Variants in ANKRD44 observed in about 807,000 individuals in gnomAD.
The protein encoded by ANKRD44 is serine/threonine-protein phosphatase 6 regulatory ankyrin repeat subunit B.
In ANKRD44, 35 loss-of-function variants were observed where a neutral mutation model predicts 116.0. The ratio of observed to expected loss-of-function variants is 0.30; its 90% CI spans 0.23 to 0.40. ANKRD44 has a LOEUF of 0.40. Ranked by LOEUF, ANKRD44 falls within the 10% of genes least tolerant of loss-of-function variation. The pLI is 1.00. For synonymous variants in ANKRD44, 435 were observed against 461.8 expected, an observed-to-expected ratio of 0.94 and a Z score of 0.74; for missense variants, 1,014 against 1,242.6, an observed-to-expected ratio of 0.82 and a Z score of 2.77.
chr2:197,113,523 C>T (rs73988097), intron 8 of ANKRD44, among the ~76,000 whole-genome samples: 1,544 of 152,210 alleles, frequency 0.01, 31 homozygotes, highest in African/African-American at 0.034. Context: ...AATATCTTCA[C>T]AATATTCAGC....
chr2:196,981,249 G>C (rs2075799437), intron 21 of ANKRD44, among the ~76,000 whole-genome samples: 1 of 152,090 alleles, frequency 6.6e-6, no homozygotes, highest in Admixed American at 6.6e-5. Context: ...TAGAATCCAT[G>C]ATCTACATAA....
chr2:197,124,939 T>C (rs1214373094), intron 6 of ANKRD44, among the ~76,000 whole-genome samples: 1 of 150,898 alleles, frequency 6.6e-6, no homozygotes, highest in East Asian at 2.0e-4. Context: ...CCTCCATCTA[T>C]AAAATAGCCA....
At chr2:197,007,257 C>T (rs1229023394) in intron 20 of ANKRD44, among the ~76,000 whole-genome samples, 1 of 151,784 alleles carries the variant, frequency 6.6e-6, no homozygotes, top group Non-Finnish European at 1.5e-5. Flanking sequence ...CACAATGAGG[C>T]ATTAAAAATC....
chr2:196,998,375 T>C lies in ANKRD44; in HGVS notation c.2710A>G (p.Lys904Glu). ...AAATGTAAGGGTGTATTCAAGTCCT[T>C]ATCCTTTACAGTCAGATCAGCCTGG... Reference protein sequence around the residue: ...SAQADLTVKDKDLNTPLHLAC... With the variant: ...SAQADLTVKDEDLNTPLHLAC... The change falls in exon 25 of 28, where the codon AAG (lysine) becomes GAG (glutamate). Residue 904 changes from lysine to glutamate, a missense_variant. Lys to Glu is a moderately conservative substitution (Grantham distance 56, BLOSUM62 1). Coordinates refer to ENST00000282272, the MANE Select transcript of ANKRD44 (RefSeq NM_001195144.2). 1 of 1,613,978 alleles carries C rather than the reference T, an allele frequency of 6.2e-7. No homozygotes were observed. Among genetic ancestry groups the C allele is most frequent in the Non-Finnish European group, 8.5e-7 (1 of 1,179,932 alleles).
chr2:197,285,480 T>C (rs2083382195), intron 1 of ANKRD44, among the ~76,000 whole-genome samples: 1 of 152,142 alleles, frequency 6.6e-6, no homozygotes, highest in African/African-American at 2.4e-5. Context: ...AATATTCTAG[T>C]TGACGCTGAA....
chr2:197,161,244 T>C (rs1320793075), intron 2 of ANKRD44, among the ~76,000 whole-genome samples: 1 of 152,162 alleles, frequency 6.6e-6, no homozygotes, highest in East Asian at 1.9e-4. Flanking sequence ...ATAAGGCATA[T>C]GGGAGATGCA....
rs193131859 is a variant in ANKRD44, at chr2:197,145,248, G to C, written c.190+1779C>G. Among the ~76,000 whole-genome samples, 1,066 of 152,068 alleles carry C rather than the reference G, an allele frequency of 7.0e-3. 15 individuals are homozygous for C. The highest frequency in any genetic ancestry group is 0.024 in the African/African-American group (1,011 of 41,478). On this transcript the variant is annotated intron_variant, in intron 3 of 27. Transcript: ENST00000282272. ...AGAGGTTGCAGTGAGCTGAGATCAC[G>C]CCACTGCACTCCAGCCTGGGCTACA... is the stretch of plus-strand genomic sequence containing the variant.
chr2:197,029,878 G>A (rs528421196), intron 16 of ANKRD44: 2 of 237,248 alleles, frequency 8.4e-6, no homozygotes, highest in African/African-American at 4.7e-5. Context: ...ATGACCTTTA[G>A]ACATGACCAG....
At chr2:197,129,512 C>A (rs558708088) in intron 4 of ANKRD44, among the ~76,000 whole-genome samples, 2 of 152,254 alleles carry the variant, frequency 1.3e-5, no homozygotes, top group East Asian at 3.9e-4. Context: ...GCCCAGTTAA[C>A]GTTCTGTTTT....
At chr2:197,132,014 G>A (rs2079108771) in intron 4 of ANKRD44, among the ~76,000 whole-genome samples, 1 of 152,162 alleles carries the variant, frequency 6.6e-6, no homozygotes, top group Non-Finnish European at 1.5e-5. Flanking sequence ...CCCAATTCTT[G>A]CTTATCTATG....
At chr2:196,974,058 T>C (rs971940234) in intron 21 of ANKRD44, among the ~76,000 whole-genome samples, 13 of 152,116 alleles carry the variant, frequency 8.5e-5, no homozygotes, top group African/African-American at 2.2e-4. Flanking sequence ...TTCACAAATA[T>C]GTGGAAATTA....
chr2:197,208,013 C>T (rs1400579313), intron 1 of ANKRD44, among the ~76,000 whole-genome samples: 1 of 152,140 alleles, frequency 6.6e-6, no homozygotes, highest in Non-Finnish European at 1.5e-5. Context: ...TATTATTGGG[C>T]TGTTGGTTTT....
chr2:197,139,891 TGTGTGTGA>T (rs2079317255), intron 3 of ANKRD44, among the ~76,000 whole-genome samples: 1 of 139,218 alleles, frequency 7.2e-6, no homozygotes, highest in East Asian at 2.0e-4. Context: ...TGTGTGTGTG[TGTGTGTGA>T]AACGGAGTCT....
intron 3 of ANKRD44, 60 bp from the exon 4 acceptor site, chr2:197,136,722 TAAATC>T (rs2079226870): frequency 7.2e-7 from 1 of 1,397,070 alleles, no homozygotes; most frequent in Non-Finnish European, 1.0e-6. Flanking sequence ...CTGCCGACGT[TAAATC>T]AAATGCTGTA....
intron 1 of ANKRD44, among the ~76,000 whole-genome samples, chr2:197,221,041 G>C (rs896728242): frequency 6.6e-6 from 1 of 152,174 alleles, no homozygotes; most frequent in Non-Finnish European, 1.5e-5. Flanking sequence ...CCTGAGGTCA[G>C]GAGTTCGAGG....
chr2:197,223,065 G>A (rs377342053), intron 1 of ANKRD44, among the ~76,000 whole-genome samples: 20 of 152,066 alleles, frequency 1.3e-4, no homozygotes, highest in African/African-American at 4.8e-4. Flanking sequence ...TACCCACCTC[G>A]GCCTCCCAAA....
In ANKRD44 at chr2:196,968,071, C is replaced by T. The variant is rs185802492; in HGVS notation, c.2369-625G>A. Among the ~76,000 whole-genome samples the T allele has an allele frequency of 2.6e-5, 4 of 152,286 alleles. No individual in the cohort carries two copies. In the East Asian group the frequency reaches 7.7e-4, roughly 29 times the overall value. On this transcript the variant is annotated intron_variant, in intron 21 of 21. Coordinates refer to the ANKRD44 transcript ENST00000424317. Reference sequence around the variant, plus strand: ...CACACTTCCGGTAAAGCCTGCAGAACCATGAGCCAAATAAACCTCTTTTCT... The same window carrying T: ...CACACTTCCGGTAAAGCCTGCAGAATCATGAGCCAAATAAACCTCTTTTCT...
At chr2:197,289,516 A>T (rs115704571) in intron 1 of ANKRD44, among the ~76,000 whole-genome samples, 21 of 152,358 alleles carry the variant, frequency 1.4e-4, no homozygotes, top group Middle Eastern at 3.4e-3. Flanking sequence ...TGGTATAGCC[A>T]GACATTGGAA....
At position 197,069,845 on chromosome 2, in the gene ANKRD44, CTTCATT is replaced by C. The variant is rs769689255; in HGVS notation, c.1650+8852_1650+8857del. On this transcript the variant is annotated intron_variant, in intron 16 of 27. Transcript: ENST00000282272. Reference sequence around the variant, plus strand: ...TTAAACCTACAGATTAATTTGGCATCTTCATTATGTTGAGTCTTCTAATCCACGCAT... The same window carrying C: ...TTAAACCTACAGATTAATTTGGCATCATGTTGAGTCTTCTAATCCACGCAT... Among the ~76,000 whole-genome samples, 37 of 151,080 alleles carry C rather than the reference CTTCATT, an allele frequency of 2.4e-4. 1 individual carries two copies. The highest frequency in any genetic ancestry group is 2.4e-3 in the Admixed American group (37 of 15,148).
Sources: allele counts gnomAD v4.1 joint callset (sites outside exome capture counted in the v4.1 genomes callset), GRCh38; gene constraint gnomAD v4.1.1; transcripts MANE v1.5; gene names NCBI Gene and HGNC (gene_info 2026-07-23, HGNC 2026-07-21).